Variants in LRRTM3 observed in about 807,000 individuals in gnomAD.
LRRTM3 encodes leucine-rich repeat transmembrane neuronal protein 3.
LRRTM3 carries 24 observed loss-of-function variants against 44.7 expected under a neutral mutation model. The observed-to-expected ratio is 0.54, with a 90% CI of 0.39 to 0.76. The LOEUF is 0.76. LRRTM3 is among the 30% of genes least tolerant of loss of function. LRRTM3 has a pLI of 0.00. For missense variants in LRRTM3, 587 were observed against 702.2 expected, an observed-to-expected ratio of 0.84 and a Z score of 1.85; for synonymous variants, 277 against 278.7, an observed-to-expected ratio of 0.99 and a Z score of 0.06.
In LRRTM3 at chr10:67,100,241, A is replaced by G. The variant is rs1291593620; in HGVS notation, c.*2445A>G. On this transcript the variant is annotated 3_prime_UTR_variant, in exon 3 of 3. Coordinates refer to ENST00000361320, the MANE Select transcript of LRRTM3 (RefSeq NM_178011.5). ...AAATTCATCTAAAGTGAACGACTAT[A>G]AATAGAAGCAATCACCTTGGAACCA... Among the ~76,000 whole-genome samples, 5 of 151,720 alleles carry G rather than the reference A, an allele frequency of 3.3e-5. No homozygotes were observed. Among genetic ancestry groups the G allele is most frequent in the Non-Finnish European group, 7.4e-5 (5 of 67,776 alleles).
At chr10:67,085,528 A>C (rs1204192496) in intron 2 of LRRTM3, among the ~76,000 whole-genome samples, 1 of 151,996 alleles carries the variant, frequency 6.6e-6, no homozygotes, top group Non-Finnish European at 1.5e-5. Context: ...GTGCTCATAA[A>C]ATTTAGAAGT....
Position 66,926,356 on chromosome 10 carries a change from G to T in LRRTM3, c.-228G>T. 2 of 602,926 alleles carry T rather than the reference G, an allele frequency of 3.3e-6. No individual in the cohort carries two copies. 37.3% of individuals were successfully genotyped at this position (602,926 alleles called of 1,614,324 possible). A position where few individuals can be genotyped will look rare whatever the true frequency, so the allele number is the denominator to read the frequency against. On this transcript the variant is annotated 5_prime_UTR_variant, in exon 1 of 3. Transcript: ENST00000361320. ...AGATCCTATTACCTAGGAAGATTTT[G>T]ATGTTTTGCTGCGAATGCGGTGTTG...
intron 2 of LRRTM3, among the ~76,000 whole-genome samples, chr10:67,044,705 G>C (rs1001153221): frequency 6.6e-6 from 1 of 152,038 alleles, no homozygotes; most frequent in Non-Finnish European, 1.5e-5. Flanking sequence ...TTTTTTAAAA[G>C]AACTCTTAGG....
At chr10:66,961,674 C>T (rs1025074466) in intron 2 of LRRTM3, among the ~76,000 whole-genome samples, 25 of 152,118 alleles carry the variant, frequency 1.6e-4, no homozygotes, top group African/African-American at 6.0e-4. Flanking sequence ...GATCTCTCCC[C>T]TGAATTCTAG....
At chr10:67,037,630 A>T (rs1564846825) in intron 2 of LRRTM3, among the ~76,000 whole-genome samples, 1 of 152,120 alleles carries the variant, frequency 6.6e-6, no homozygotes. Flanking sequence ...GAAAACCTGA[A>T]CTAAGACACT....
intron 2 of LRRTM3, among the ~76,000 whole-genome samples, chr10:66,960,491 G>T (rs1296834183): frequency 1.3e-5 from 2 of 152,034 alleles, no homozygotes; most frequent in Non-Finnish European, 2.9e-5. Context: ...TTAGAGTAGA[G>T]AACTAATTAC....
chr10:66,958,108 G>A (rs1848917624), intron 2 of LRRTM3, among the ~76,000 whole-genome samples: 1 of 151,992 alleles, frequency 6.6e-6, no homozygotes, highest in Non-Finnish European at 1.5e-5. Flanking sequence ...CCAGCTTCCA[G>A]AACATTAAGA....
chr10:67,013,263 A>G (rs1191601909), intron 2 of LRRTM3, among the ~76,000 whole-genome samples: 1 of 151,550 alleles, frequency 6.6e-6, no homozygotes. Context: ...TCTTCATTTA[A>G]TAAAATTCTC....
chr10:67,047,086 T>A (rs1204595287), intron 2 of LRRTM3, among the ~76,000 whole-genome samples: 1 of 152,122 alleles, frequency 6.6e-6, no homozygotes, highest in Non-Finnish European at 1.5e-5. Context: ...CAGAGATGAG[T>A]TTAGACAGAG....
chr10:67,074,342 C>CTTTTTT (rs36186252), intron 2 of LRRTM3, among the ~76,000 whole-genome samples: 2 of 68,726 alleles, frequency 2.9e-5, no homozygotes, highest in African/African-American at 6.9e-5. Flanking sequence ...CACTTTAACT[C>CTTTTTT]TTTTTTTTTT....
intron 2 of LRRTM3, among the ~76,000 whole-genome samples, chr10:67,065,134 G>T (rs1855999867): frequency 6.6e-6 from 1 of 152,072 alleles, no homozygotes; most frequent in South Asian, 2.1e-4. Flanking sequence ...AAGGCACCAT[G>T]GTTCCCTCTG....
chr10:66,935,718 G>A (rs1471123753), intron 2 of LRRTM3, among the ~76,000 whole-genome samples: 2 of 151,000 alleles, frequency 1.3e-5, no homozygotes, highest in African/African-American at 4.9e-5. Context: ...TTATGTACCA[G>A]GAATTTGTAT....
Position 66,969,535 on chromosome 10 carries a change from T to C in LRRTM3, c.1536+41083T>C, listed in dbSNP as rs1172964409. Among the ~76,000 whole-genome samples the C allele has an allele frequency of 2.0e-5, 3 of 152,146 alleles. 1 individual carries two copies. Among genetic ancestry groups the C allele is most frequent in the African/African-American group, 4.8e-5 (2 of 41,410 alleles). On this transcript the variant is annotated intron_variant, in intron 2 of 2. Coordinates refer to ENST00000361320, the MANE Select transcript of LRRTM3 (RefSeq NM_178011.5). ...TCGGGATACATTTTTATATGCCAAA[T>C]TGCTGCATCAAAAGGACAGATTTAG...
chr10:66,936,460 GT>G (rs1006286555), intron 2 of LRRTM3, among the ~76,000 whole-genome samples: 2 of 151,972 alleles, frequency 1.3e-5, no homozygotes, highest in Non-Finnish European at 2.9e-5. Flanking sequence ...TTTTCCTGGT[GT>G]TTTTTTGTTT....
chr10:67,051,107 G>A (rs1171349679), intron 2 of LRRTM3, among the ~76,000 whole-genome samples: 5 of 152,188 alleles, frequency 3.3e-5, no homozygotes, highest in Admixed American at 1.3e-4. Flanking sequence ...AATAAAGACA[G>A]AGATACAAGC....
chr10:66,927,664 T>A lies in LRRTM3; in HGVS notation c.748T>A (p.Trp250Arg), dbSNP rs755125064. ...KISVIGQTMS[W>R]TWSSLQRLDL... ...CAGTGTCATAGGACAGACCATGTCC[T>A]GGACCTGGAGCTCCTTACAAAGGCT... Residue 250 changes from tryptophan to arginine, a missense_variant, in exon 2 of 3, where the codon TGG becomes AGG. By Grantham distance (101) the Trp-to-Arg change is moderately radical. Coordinates refer to ENST00000361320, the MANE Select transcript of LRRTM3 (RefSeq NM_178011.5). This position sits in a 1 kb window ranked among gnomAD's most constrained non-coding sequence, Gnocchi z 4.7. The A allele has an allele frequency of 6.2e-7, 1 of 1,614,092 alleles. No individual in the cohort carries two copies. Among genetic ancestry groups the A allele is most frequent in the African/African-American group, 1.3e-5 (1 of 74,938 alleles).
chr10:66,926,792 A>T, intron 1 of LRRTM3, 129 bp from the exon 2 acceptor site: 1 of 969,558 alleles, frequency 1.0e-6, no homozygotes, highest in South Asian at 1.8e-5. Context: ...TTACAAAGAG[A>T]TAATATGTGA....
chr10:67,074,818 T>TATG (rs1564873625), intron 2 of LRRTM3, among the ~76,000 whole-genome samples: 143 of 152,036 alleles, frequency 9.4e-4, no homozygotes, highest in African/African-American at 3.3e-3. Flanking sequence ...CATAATTTAT[T>TATG]TATGTATGTA....
rs145188879 is a variant in LRRTM3 at position 66,967,103 on chromosome 10, C to T, written c.1536+38651C>T. Among the ~76,000 whole-genome samples the T allele has an allele frequency of 3.0e-3, 455 of 152,078 alleles. 4 individuals are homozygous for T. Among genetic ancestry groups the T allele is most frequent in the African/African-American group, 4.8e-3 (200 of 41,496 alleles). The stretch of plus-strand genomic sequence containing the variant: ...GTGATTATTAACACTCCATTAGGAA[C>T]GTTGATGGTTCTGCTAATGAAACAA... On this transcript the variant is annotated intron_variant, in intron 2 of 2. Transcript: ENST00000361320.
Sources: allele counts gnomAD v4.1 joint callset (sites outside exome capture counted in the v4.1 genomes callset), GRCh38; gene constraint gnomAD v4.1.1; non-coding constraint Gnocchi (gnomAD v3.1); transcripts MANE v1.5; gene names NCBI Gene and HGNC (gene_info 2026-07-23, HGNC 2026-07-21).